The following GPC5 variants were observed in gnomAD, a reference collection of about 807,000 sequenced individuals.
GPC5 encodes the protein glypican 5, also known as glypican-5.
Under a neutral mutation model 53.9 loss-of-function variants are expected in GPC5, and 47 were observed. The ratio of observed to expected loss-of-function variants is 0.87; its 90% CI spans 0.69 to 1.11. GPC5 has a LOEUF of 1.11. Among genes scored for constraint, GPC5 ranks in the 50% most tolerant of loss-of-function variants. The pLI is 0.00. For missense variants in GPC5, 748 were observed against 713.1 expected (o/e 1.05, Z -0.56); for synonymous variants, 286 against 263.3 (o/e 1.09, Z -0.84).
chr13:91,987,054 A>G (rs1470815876), intron 6 of GPC5, among the ~76,000 whole-genome samples: 1 of 152,240 alleles, frequency 6.6e-6, no homozygotes, highest in Non-Finnish European at 1.5e-5. Context: ...TGTCTTAAGA[A>G]TAAATGTTAG....
chr13:91,718,395 C>A (rs1476861907), intron 3 of GPC5, among the ~76,000 whole-genome samples: 2 of 151,872 alleles, frequency 1.3e-5, no homozygotes, highest in Non-Finnish European at 2.9e-5. Context: ...CAGGCGTGAG[C>A]CACTGAGCCT....
intron 7 of GPC5, among the ~76,000 whole-genome samples, chr13:92,402,929 C>T (rs1230625999): frequency 6.6e-6 from 1 of 152,196 alleles, no homozygotes; most frequent in Non-Finnish European, 1.5e-5. Context: ...ATTGCGGCAG[C>T]ATAGCTCTGC....
chr13:92,493,170 GAT>G, intron 7 of GPC5, among the ~76,000 whole-genome samples: 1 of 152,140 alleles, frequency 6.6e-6, no homozygotes, highest in Non-Finnish European at 1.5e-5. Flanking sequence ...ATCTGCATGA[GAT>G]ATGTTTGAAT....
chr13:92,453,236 G>T (rs1347468047), intron 7 of GPC5, among the ~76,000 whole-genome samples: 1 of 152,162 alleles, frequency 6.6e-6, no homozygotes, highest in African/African-American at 2.4e-5. Context: ...ATTGTACATA[G>T]CATTGAAAGC....
chr13:92,117,224 A>G (rs2041608728), intron 6 of GPC5, among the ~76,000 whole-genome samples: 1 of 152,220 alleles, frequency 6.6e-6, no homozygotes, highest in Admixed American at 6.5e-5. Flanking sequence ...CAGATGTCCA[A>G]TAGTTCTAGC....
intron 7 of GPC5, among the ~76,000 whole-genome samples, chr13:92,204,724 G>A (rs2042320439): frequency 1.3e-5 from 2 of 152,198 alleles, no homozygotes; most frequent in African/African-American, 4.8e-5. Context: ...ATAGGGCAGA[G>A]TCTGGAAGGT....
intron 7 of GPC5, among the ~76,000 whole-genome samples, chr13:92,303,035 C>G (rs1258829280): frequency 6.6e-6 from 1 of 152,126 alleles, no homozygotes; most frequent in African/African-American, 2.4e-5. Context: ...TTATCTTCTT[C>G]CCTTGTAACT....
At chr13:91,930,638 A>G (rs1190002263) in intron 6 of GPC5, among the ~76,000 whole-genome samples, 2 of 152,004 alleles carry the variant, frequency 1.3e-5, no homozygotes, top group Non-Finnish European at 1.5e-5. Flanking sequence ...GCAGCCCAAT[A>G]AATATGTGAA....
chr13:92,018,860 G>C (rs113602612), intron 6 of GPC5, among the ~76,000 whole-genome samples: 1 of 151,916 alleles, frequency 6.6e-6, no homozygotes, highest in Non-Finnish European at 1.5e-5. Context: ...ATAATTCCTT[G>C]TTTGAAACCC....
chr13:92,053,897 T>A (rs1420070041), intron 6 of GPC5, among the ~76,000 whole-genome samples: 5 of 151,614 alleles, frequency 3.3e-5, no homozygotes, highest in African/African-American at 1.2e-4. Flanking sequence ...CCGGTTGTGG[T>A]GGGAGGCGCC....
At chr13:91,962,746 T>C (rs2040137756) in intron 6 of GPC5, among the ~76,000 whole-genome samples, 1 of 152,158 alleles carries the variant, frequency 6.6e-6, no homozygotes. Context: ...GTGGGAGTTC[T>C]CTATTAACCA....
chr13:92,082,154 C>G (rs2041300725), intron 6 of GPC5, among the ~76,000 whole-genome samples: 2 of 151,930 alleles, frequency 1.3e-5, no homozygotes, highest in South Asian at 4.1e-4. Flanking sequence ...AAATCATTTC[C>G]TAGTACTGAA....
chr13:92,359,846 C>T (rs2043551614), intron 7 of GPC5, among the ~76,000 whole-genome samples: 1 of 151,702 alleles, frequency 6.6e-6, no homozygotes, highest in Non-Finnish European at 1.5e-5. Context: ...CAGGACCCTC[C>T]TCCAAAACTT....
chr13:92,862,283 G>A (rs1386673668), intron 7 of GPC5, among the ~76,000 whole-genome samples: 1 of 152,072 alleles, frequency 6.6e-6, no homozygotes. Flanking sequence ...TTGTGTAAAT[G>A]AGTCATTATT....
chr13:91,994,349 A>G (rs1303167418), intron 6 of GPC5, among the ~76,000 whole-genome samples: 1 of 152,166 alleles, frequency 6.6e-6, no homozygotes, highest in Admixed American at 6.5e-5. Context: ...TAAGCTACAA[A>G]TATATATGTT....
chr13:92,480,737 T>G (rs1879316145), intron 7 of GPC5, among the ~76,000 whole-genome samples: 1 of 119,148 alleles, frequency 8.4e-6, no homozygotes, highest in Non-Finnish European at 1.8e-5. Context: ...GTGAATTTGT[T>G]GCCTTACAGT....
chr13:92,582,721 G>A (rs1883410266), intron 7 of GPC5, among the ~76,000 whole-genome samples: 1 of 151,926 alleles, frequency 6.6e-6, no homozygotes. Flanking sequence ...CATATCCCTG[G>A]TTAAATTTAT....
intron 7 of GPC5, among the ~76,000 whole-genome samples, chr13:92,269,916 T>TAGTA (rs2042828435): frequency 6.6e-6 from 1 of 152,176 alleles, no homozygotes; most frequent in African/African-American, 2.4e-5. Context: ...TGTTGCTAAT[T>TAGTA]AGTAAGCATC....
At chr13:91,450,215 C>T (rs1225205833) in intron 2 of GPC5, among the ~76,000 whole-genome samples, 1 of 152,002 alleles carries the variant, frequency 6.6e-6, no homozygotes, top group Non-Finnish European at 1.5e-5. Context: ...AACTTTATTT[C>T]TATTGTAGGA....
Sources: allele counts gnomAD v4.1 joint callset (sites outside exome capture counted in the v4.1 genomes callset), GRCh38; gene constraint gnomAD v4.1.1; transcripts MANE v1.5; gene names NCBI Gene and HGNC (gene_info 2026-07-23, HGNC 2026-07-21).